SLC26A11: variants seen among roughly 807,000 people sequenced by gnomAD.
SLC26A11 encodes the protein solute carrier family 26 member 11, also known as sodium-independent sulfate anion transporter.
Under a neutral mutation model 62.2 loss-of-function variants are expected in SLC26A11, and 58 were observed. The ratio of observed to expected loss-of-function variants is 0.93; its 90% CI spans 0.76 to 1.16. The LOEUF (loss-of-function observed/expected upper bound fraction) is 1.16. Among genes scored for constraint, SLC26A11 ranks in the 50% most tolerant of loss-of-function variants. The pLI is 0.00. For synonymous variants in SLC26A11, 411 were observed against 368.9 expected, an observed-to-expected ratio of 1.11 and a Z score of -1.31; for missense variants, 790 against 794.3, an observed-to-expected ratio of 0.99 and a Z score of 0.06.
intron 7 of SLC26A11, among the ~76,000 whole-genome samples, chr17:80,236,269 T>C (rs778113273): frequency 2.2e-4 from 33 of 152,228 alleles, no homozygotes; most frequent in Non-Finnish European, 2.5e-4. Context: ...CGAGGGCACC[T>C]CTGCAGATCT....
rs759347192 is a variant in SLC26A11 at position 80,228,003 on chromosome 17, G to C, written c.736+43G>C. 2.5e-6 allele frequency: 4 copies of C among 1,572,552 alleles called. No homozygotes were observed. The South Asian group carries it at 4.5e-5, about 18-fold the overall frequency. The stretch of plus-strand genomic sequence containing the variant: ...GACATCTTATGCAACCTTGGCTGCA[G>C]GTTGGGGTCACTTGGGGAGTCCTAG... On this transcript the variant is annotated intron_variant, in intron 7 of 17. Transcript: ENST00000361193. This position sits in a 1 kb window ranked among gnomAD's most constrained non-coding sequence, Gnocchi z 4.1.
chr17:80,253,055 C>T lies in SLC26A11; in HGVS notation c.*339C>T, dbSNP rs550238090. 2.3e-5 allele frequency: 4 copies of T among 175,802 alleles called. No homozygotes were observed. Among genetic ancestry groups the T allele is most frequent in the Non-Finnish European group, 4.8e-5 (4 of 82,598 alleles). 10.9% of individuals were successfully genotyped at this position (175,802 alleles called of 1,614,324 possible). The stretch of plus-strand genomic sequence containing the variant: ...CCGGGCTGTGCGAGGCATCCTGGGG[C>T]TGGCAGCACCTTCCCGGCTCACCAG... On this transcript the variant is annotated 3_prime_UTR_variant, in exon 18 of 18. Transcript: ENST00000361193.
intron 7 of SLC26A11, among the ~76,000 whole-genome samples, chr17:80,234,603 C>A (rs1235770290): frequency 6.6e-6 from 1 of 152,128 alleles, no homozygotes; most frequent in Non-Finnish European, 1.5e-5. Flanking sequence ...TACTGTCCCC[C>A]TATGCGATTC....
chr17:80,245,392 G>T, intron 11 of SLC26A11, 136 bp downstream of exon 11: 1 of 785,124 alleles, frequency 1.3e-6, no homozygotes. Flanking sequence ...CAGGGCTGGG[G>T]GTCACCCACT....
At position 80,222,939 on chromosome 17, in the gene SLC26A11, G is replaced by A. The variant is rs1219012065; in HGVS notation, c.427+92G>A. ...TCTATCCCCGTGTGCGTGTGTGTGC[G>A]TGTTGGGGTGTGGGTATGTATGTGT... On this transcript the variant is annotated intron_variant, in intron 4 of 17. Transcript: ENST00000361193. The surrounding 1 kb of genome is among the most constrained non-coding windows in gnomAD (Gnocchi z 4.7). 1.3e-5 allele frequency: 14 copies of A among 1,084,456 alleles called. No individual in the cohort carries two copies. Among genetic ancestry groups the A allele is most frequent in the African/African-American group, 5.2e-5 (2 of 38,326 alleles). 67.2% of individuals were successfully genotyped at this position (1,084,456 alleles called of 1,614,324 possible). A position where few individuals can be genotyped will look rare whatever the true frequency, so the allele number is the denominator to read the frequency against.
At chr17:80,230,141 G>A (rs2042523152) in intron 7 of SLC26A11, among the ~76,000 whole-genome samples, 1 of 147,558 alleles carries the variant, frequency 6.8e-6, no homozygotes, top group Non-Finnish European at 1.5e-5. Flanking sequence ...GTTATAGTGA[G>A]CCAAGACTGC....
chr17:80,252,691 A>G lies in SLC26A11; in HGVS notation c.1796A>G (p.Gln599Arg), dbSNP rs200956038. The change falls in exon 18 of 18, where the codon CAA becomes CGA. Residue 599 changes from glutamine (Q) to arginine (R), a missense_variant. Gln to Arg is a conservative substitution (Grantham distance 43). Transcript: ENST00000361193. This position sits in a 1 kb window ranked among gnomAD's most constrained non-coding sequence, Gnocchi z 5.2. ...ATCAGAGAAGACTCCATTCTGGACC[A>G]AAAGGTTGCCCTGCTCAAGGCATAA... ...YNIREDSILD[Q>R]KVALLKA The G allele has an allele frequency of 1.2e-6, 2 of 1,613,780 alleles. No individual in the cohort carries two copies. Among genetic ancestry groups the G allele is most frequent in the African/African-American group, 1.3e-5 (1 of 75,062 alleles).
rs1022519049 is a variant in SLC26A11, at chr17:80,238,797, C to G, written c.985+1203C>G. Among the ~76,000 whole-genome samples, 6 of 150,770 alleles carry G rather than the reference C, an allele frequency of 4.0e-5. 1 individual carries two copies. Among genetic ancestry groups the G allele is most frequent in the Admixed American group, 3.9e-4 (6 of 15,210 alleles). On this transcript the variant is annotated intron_variant, in intron 9 of 17. Transcript: ENST00000361193. ...CAAAGTCCCAGTGCTCTAACCCTTACCCCCTTCAAAGGAGTTTTTTTTGTT... is the reference window on the plus strand; with the variant it reads ...CAAAGTCCCAGTGCTCTAACCCTTAGCCCCTTCAAAGGAGTTTTTTTTGTT...
In SLC26A11 at chr17:80,248,586, G is replaced by A. The variant is rs1272391826; in HGVS notation, c.1434G>A (p.Gly478=). The part of the protein sequence containing the change: ...AARPETKVSE[G]PVLVLQPASG... ...ACTCCTCCCCACAGGTGTCAGAGGGGCCGGTTCTGGTCCTGCAGCCGGCCA... is the reference window on the plus strand; with the variant it reads ...ACTCCTCCCCACAGGTGTCAGAGGGACCGGTTCTGGTCCTGCAGCCGGCCA... The change falls in exon 15 of 18, where the codon GGG becomes GGA. Residue 478 remains glycine (G), a synonymous_variant. Transcript: ENST00000361193. The A allele has an allele frequency of 6.3e-7, 1 of 1,582,580 alleles. No homozygotes were observed. The highest frequency in any genetic ancestry group is 1.8e-5 in the Admixed American group (1 of 56,028).
intron 9 of SLC26A11, among the ~76,000 whole-genome samples, chr17:80,239,799 C>T (rs1311636619): frequency 1.3e-5 from 2 of 152,080 alleles, no homozygotes; most frequent in African/African-American, 2.4e-5. Context: ...CCTGAGCCAT[C>T]GTGCCCGGCC....
At chr17:80,243,206 A>G (rs575604477) in intron 10 of SLC26A11, among the ~76,000 whole-genome samples, 1 of 152,304 alleles carries the variant, frequency 6.6e-6, no homozygotes, top group East Asian at 1.9e-4. Flanking sequence ...AGGTTGGGTC[A>G]CAAAGGGACG....
chr17:80,242,898 G>A (rs946577181), intron 10 of SLC26A11, among the ~76,000 whole-genome samples: 10 of 152,028 alleles, frequency 6.6e-5, no homozygotes, highest in African/African-American at 2.4e-4. Context: ...TAGTAGAGAC[G>A]GGGTTTCACC....
At chr17:80,239,855 A>G (rs1364829305) in intron 9 of SLC26A11, among the ~76,000 whole-genome samples, 1 of 152,214 alleles carries the variant, frequency 6.6e-6, no homozygotes, top group East Asian at 1.9e-4. Context: ...AATAATAATA[A>G]TATTTTGTGA....
At chr17:80,236,065 G>C (rs1394795529) in intron 7 of SLC26A11, among the ~76,000 whole-genome samples, 1 of 152,132 alleles carries the variant, frequency 6.6e-6, no homozygotes, top group African/African-American at 2.4e-5. Context: ...GCCAACCCCA[G>C]GCCTTGGGCT....
In SLC26A11 at chr17:80,237,593, C is replaced by T. The variant is rs368920537; in HGVS notation, c.984C>T (p.Phe328=). The change falls in exon 9 of 18, where the codon TTC becomes TTT. Residue 328 remains phenylalanine, a splice_region_variant and synonymous_variant. Coordinates refer to ENST00000361193, the MANE Select transcript of SLC26A11 (RefSeq NM_001166347.2). The part of the protein sequence containing the change: ...LLESIAVAKA[F]ASQNNYRIDA... ...AGAGCATTGCGGTGGCCAAAGCCTT[C>T]GGTAAGACGCCTGTCACCCACACCC... 4.7e-5 allele frequency: 75 copies of T among 1,610,194 alleles called. No individual in the cohort carries two copies. The highest frequency in any genetic ancestry group is 2.5e-4 in the Admixed American group (15 of 59,506).
intron 6 of SLC26A11, among the ~76,000 whole-genome samples, chr17:80,227,427 T>A (rs532942198): frequency 4.6e-5 from 7 of 152,328 alleles, no homozygotes; most frequent in Non-Finnish European, 1.0e-4. Flanking sequence ...AGTGAAAATG[T>A]GAGCACGTCG....
At chr17:80,224,723 G>A (rs1244983127) in intron 5 of SLC26A11, among the ~76,000 whole-genome samples, 1 of 152,132 alleles carries the variant, frequency 6.6e-6, no homozygotes, top group African/African-American at 2.4e-5. Flanking sequence ...ATCATTTTTG[G>A]TGTCAAGAAT....
At position 80,252,632 on chromosome 17, in the gene SLC26A11, C is replaced by G. The variant is rs779282402; in HGVS notation, c.1737C>G (p.His579Gln). 5.5e-5 allele frequency: 88 copies of G among 1,613,678 alleles called. No homozygotes were observed. Among genetic ancestry groups the G allele is most frequent in the Non-Finnish European group, 7.3e-5 (86 of 1,179,884 alleles). ...TTATTGTATTTTCTGCAGAGAAGCA[C>G]CTGAGGCAGGAGCCAGGGACCCAGC... ...YFSTLEEAEKHLRQEPGTQPY... is the reference protein window; with the variant it reads ...YFSTLEEAEKQLRQEPGTQPY... The change falls in exon 18 of 18, where the codon CAC (histidine) becomes CAG (glutamine). Residue 579 changes from histidine to glutamine, a missense_variant. Transcript: ENST00000361193. The surrounding 1 kb of genome is among the most constrained non-coding windows in gnomAD (Gnocchi z 5.2).
chr17:80,235,942 A>G (rs1255426114), intron 7 of SLC26A11, among the ~76,000 whole-genome samples: 1 of 152,226 alleles, frequency 6.6e-6, no homozygotes, highest in Non-Finnish European at 1.5e-5. Context: ...ATTCATTTAC[A>G]TGGTCAATGT....
Sources: gnomAD v4.1 joint callset for allele counts (sites outside exome capture counted in the v4.1 genomes callset) on GRCh38, gnomAD v4.1.1 for gene constraint, Gnocchi (gnomAD v3.1) non-coding constraint, MANE v1.5 for transcripts, NCBI Gene and HGNC (gene_info 2026-07-23, HGNC 2026-07-21) for gene names.